MAP4: variants seen among roughly 807,000 people sequenced by gnomAD.
MAP4 encodes the protein microtubule associated protein 4, also known as microtubule-associated protein 4.
A neutral mutation model predicts 170.2 loss-of-function variants in MAP4; 76 were observed. That is an observed-to-expected ratio of 0.45 (90% CI 0.37 to 0.54). The LOEUF (loss-of-function observed/expected upper bound fraction) is 0.54, where lower values mean the gene tolerates loss of function less well. MAP4 is among the 20% of genes least tolerant of loss of function. The pLI, the probability that MAP4 is intolerant of heterozygous loss-of-function variation, is 0.00. For synonymous variants in MAP4, 909 were observed against 994.5 expected, an observed-to-expected ratio of 0.91 and a Z score of 1.62; for missense variants, 2,506 against 2,748.0, an observed-to-expected ratio of 0.91 and a Z score of 1.97.
chr3:47,906,699 A>T (rs1277869682), intron 9 of MAP4, among the ~76,000 whole-genome samples: 1 of 151,580 alleles, frequency 6.6e-6, no homozygotes, highest in Non-Finnish European at 1.5e-5. Flanking sequence ...AAAAAAAAGT[A>T]CTATAATACA....
intron 17 of MAP4, among the ~76,000 whole-genome samples, chr3:47,862,161 CAAAA>C (rs58780669): frequency 3.6e-5 from 3 of 82,724 alleles, no homozygotes; most frequent in African/African-American, 4.3e-5. Context: ...ACTCTGTCTC[CAAAA>C]AAAAAAAAAA....
chr3:47,857,823 C>T (rs982621602), intron 17 of MAP4, among the ~76,000 whole-genome samples: 21 of 152,186 alleles, frequency 1.4e-4, no homozygotes, highest in African/African-American at 4.6e-4. Flanking sequence ...ATTCTCCTGC[C>T]TCAGCCTCCC....
intron 9 of MAP4, among the ~76,000 whole-genome samples, chr3:47,908,118 A>G (rs2100034097): frequency 6.6e-6 from 1 of 151,606 alleles, no homozygotes; most frequent in African/African-American, 2.4e-5. Context: ...AAATAGTGTC[A>G]CTTGTAGGCT....
rs202195126 is a variant in MAP4, at chr3:47,871,118, G to C, written c.6002-13C>G. Reference sequence around the variant, plus strand: ...CGACTCAAGTCAGCTGCAAAGAAGGGAGTGAGAGATAACACGGGTTCAGGG... The same window carrying C: ...CGACTCAAGTCAGCTGCAAAGAAGGCAGTGAGAGATAACACGGGTTCAGGG... On this transcript the variant is annotated splice_polypyrimidine_tract_variant and intron_variant, in intron 14 of 20. Transcript: ENST00000683076. The C allele has an allele frequency of 3.7e-6, 6 of 1,608,380 alleles. No individual in the cohort carries two copies. Among genetic ancestry groups the C allele is most frequent in the Non-Finnish European group, 5.1e-6 (6 of 1,175,540 alleles).
chr3:47,928,654 A>T (rs1190326909), intron 3 of MAP4, among the ~76,000 whole-genome samples: 1 of 151,948 alleles, frequency 6.6e-6, no homozygotes, highest in African/African-American at 2.4e-5. Context: ...ACATAGCAAG[A>T]CTCTGTCACT....
At chr3:48,048,588 G>C (rs1225623873) in intron 1 of MAP4, among the ~76,000 whole-genome samples, 2 of 139,014 alleles carry the variant, frequency 1.4e-5, no homozygotes, top group African/African-American at 5.5e-5. Context: ...CAGCGCCAAG[G>C]CTCACTGCAT....
intron 3 of MAP4, among the ~76,000 whole-genome samples, chr3:47,932,337 C>T (rs1195782304): frequency 1.3e-5 from 2 of 152,008 alleles, no homozygotes; most frequent in Non-Finnish European, 2.9e-5. Context: ...AATCAGCTGA[C>T]ATTTGGTTGT....
intron 1 of MAP4, among the ~76,000 whole-genome samples, chr3:48,075,454 G>A (rs1174079098): frequency 6.6e-6 from 1 of 151,930 alleles, no homozygotes; most frequent in Non-Finnish European, 1.5e-5. Context: ...GAACCTGGAA[G>A]GCAGAGAGGT....
chr3:47,888,635 G>C (rs896078191), intron 10 of MAP4, among the ~76,000 whole-genome samples: 44 of 152,186 alleles, frequency 2.9e-4, no homozygotes, highest in Admixed American at 2.9e-3. Flanking sequence ...CTCACCGCGA[G>C]GGTCCGTGGC....
At chr3:47,957,664 G>A (rs2100068636) in intron 3 of MAP4, among the ~76,000 whole-genome samples, 1 of 152,154 alleles carries the variant, frequency 6.6e-6, no homozygotes, top group Non-Finnish European at 1.5e-5. Context: ...AAGAAATGCA[G>A]AAATGGGCTC....
At chr3:48,068,245 A>AC (rs754278721) in intron 1 of MAP4, among the ~76,000 whole-genome samples, 7 of 146,096 alleles carry the variant, frequency 4.8e-5, no homozygotes, top group Non-Finnish European at 9.0e-5. Context: ...AACCTGGGTA[A>AC]CAGAGCAAGA....
chr3:48,010,543 C>T (rs2100104714), intron 1 of MAP4, among the ~76,000 whole-genome samples: 1 of 151,916 alleles, frequency 6.6e-6, no homozygotes, highest in Non-Finnish European at 1.5e-5. Flanking sequence ...GTAATTATGA[C>T]CTTATTATTG....
At chr3:48,010,749 T>G (rs2100104804) in intron 1 of MAP4, among the ~76,000 whole-genome samples, 1 of 152,118 alleles carries the variant, frequency 6.6e-6, no homozygotes, top group African/African-American at 2.4e-5. Context: ...CACCCTTAAC[T>G]GGGTGGGCAC....
chr3:48,050,279 A>G (rs2100126992), intron 1 of MAP4, among the ~76,000 whole-genome samples: 1 of 151,868 alleles, frequency 6.6e-6, no homozygotes, highest in Admixed American at 6.6e-5. Flanking sequence ...AAAAAATAGT[A>G]AAGTCAAAAG....
At chr3:47,898,077 T>C (rs1050713538) in intron 10 of MAP4, among the ~76,000 whole-genome samples, 14 of 152,238 alleles carry the variant, frequency 9.2e-5, no homozygotes, top group African/African-American at 3.1e-4. Flanking sequence ...TGTTAATATC[T>C]TTCTATGGTG....
intron 1 of MAP4, among the ~76,000 whole-genome samples, chr3:48,088,482 A>G (rs933624641): frequency 1.3e-5 from 2 of 151,712 alleles, no homozygotes; most frequent in Non-Finnish European, 2.9e-5. Context: ...AGCCCAAGGC[A>G]TGTCGCTCGG....
chr3:47,992,480 C>T (rs1027234464), intron 2 of MAP4, among the ~76,000 whole-genome samples: 25 of 152,002 alleles, frequency 1.6e-4, no homozygotes, highest in African/African-American at 6.0e-4. Flanking sequence ...GGCTGCAGCA[C>T]AGTGGTGCTT....
chr3:47,874,879 C>T (rs1456512393), intron 12 of MAP4, among the ~76,000 whole-genome samples: 3 of 150,932 alleles, frequency 2.0e-5, no homozygotes, highest in African/African-American at 7.5e-5. Flanking sequence ...ACATGGGAAA[C>T]TATTTCGTAC....
chr3:47,888,043 G>A (rs1043022474), intron 10 of MAP4, among the ~76,000 whole-genome samples: 1 of 144,578 alleles, frequency 6.9e-6, no homozygotes, highest in African/African-American at 2.6e-5. Context: ...AGGTTTGTGA[G>A]TGCACCAATC....
Sources: allele counts gnomAD v4.1 joint callset (sites outside exome capture counted in the v4.1 genomes callset), GRCh38; gene constraint gnomAD v4.1.1; transcripts MANE v1.5; gene names NCBI Gene and HGNC (gene_info 2026-07-23, HGNC 2026-07-21).